ELMO1: variants seen among roughly 807,000 people sequenced by gnomAD.
The protein encoded by ELMO1 is engulfment and cell motility protein 1.
A neutral mutation model predicts 98.9 loss-of-function variants in ELMO1; 26 were observed. The ratio of observed to expected loss-of-function variants is 0.26; its 90% CI spans 0.19 to 0.36. The LOEUF (loss-of-function observed/expected upper bound fraction) is 0.36. ELMO1 is among the 10% of genes least tolerant of loss of function. The pLI, the probability that ELMO1 is intolerant of heterozygous loss-of-function variation, is 1.00. For synonymous variants in ELMO1, 346 were observed against 346.0 expected (o/e 1.00, Z 0.00); for missense variants, 627 against 935.2 (o/e 0.67, Z 4.30).
chr7:37,390,156 G>A (rs1232454395), intron 1 of ELMO1, among the ~76,000 whole-genome samples: 4 of 152,178 alleles, frequency 2.6e-5, no homozygotes, highest in South Asian at 4.1e-4. Flanking sequence ...AAACACAAAC[G>A]GTAACTGGAA....
intron 13 of ELMO1, among the ~76,000 whole-genome samples, chr7:37,171,454 T>C (rs542615463): frequency 1.3e-5 from 2 of 151,250 alleles, no homozygotes; most frequent in East Asian, 3.9e-4. Flanking sequence ...AAATTATCCA[T>C]TAGTTTATTC....
intron 1 of ELMO1, among the ~76,000 whole-genome samples, chr7:37,424,359 C>T (rs543502770): frequency 6.6e-6 from 1 of 152,286 alleles, no homozygotes; most frequent in East Asian, 1.9e-4. Flanking sequence ...AGCTATCATC[C>T]TTCCATGAGT....
At chr7:37,236,939 G>T (rs528085507) in intron 7 of ELMO1, among the ~76,000 whole-genome samples, 17 of 152,292 alleles carry the variant, frequency 1.1e-4, no homozygotes, top group Admixed American at 1.1e-3. Flanking sequence ...AAGGCTAAAA[G>T]AATTACAAAT....
chr7:37,134,598 G>C (rs1275667652), intron 13 of ELMO1, among the ~76,000 whole-genome samples: 1 of 149,506 alleles, frequency 6.7e-6, no homozygotes, highest in Non-Finnish European at 1.5e-5. Context: ...ATACCAAAAA[G>C]TCATCTGCAC....
intron 16 of ELMO1, among the ~76,000 whole-genome samples, chr7:36,990,913 C>A (rs1791830317): frequency 1.3e-5 from 2 of 152,190 alleles, no homozygotes; most frequent in Admixed American, 6.5e-5. Context: ...TTATATTGAG[C>A]CTTTAAAAGG....
intron 16 of ELMO1, among the ~76,000 whole-genome samples, chr7:36,899,329 G>A (rs1806301780): frequency 6.6e-6 from 1 of 152,190 alleles, no homozygotes; most frequent in South Asian, 2.1e-4. Context: ...TCCTGCTCTA[G>A]TTGAGGCAAG....
intron 16 of ELMO1, among the ~76,000 whole-genome samples, chr7:37,002,911 A>C (rs1792783125): frequency 6.6e-6 from 1 of 152,192 alleles, no homozygotes; most frequent in African/African-American, 2.4e-5. Flanking sequence ...AGGTATTCCT[A>C]GGGACAAAGC....
intron 15 of ELMO1, among the ~76,000 whole-genome samples, chr7:37,071,467 CAG>C (rs1450600429): frequency 6.6e-6 from 1 of 152,140 alleles, no homozygotes; most frequent in African/African-American, 2.4e-5. Flanking sequence ...AACTGTGTTT[CAG>C]AGTCTTGAGT....
intron 15 of ELMO1, among the ~76,000 whole-genome samples, chr7:37,060,993 C>T (rs1470101862): frequency 6.6e-6 from 1 of 152,152 alleles, no homozygotes; most frequent in East Asian, 1.9e-4. Context: ...TCAATGACTA[C>T]TCTCGATTTC....
At chr7:37,139,468 T>C (rs1367533836) in intron 13 of ELMO1, among the ~76,000 whole-genome samples, 2 of 151,992 alleles carry the variant, frequency 1.3e-5, no homozygotes, top group African/African-American at 2.4e-5. Flanking sequence ...TCTTTCACAA[T>C]AGCTGCAAAA....
intron 1 of ELMO1, among the ~76,000 whole-genome samples, chr7:37,417,608 G>A (rs28568301): frequency 0.16 from 24,851 of 151,120 alleles, 2,190 homozygotes; most frequent in South Asian, 0.25. Flanking sequence ...AGCTTGCAAT[G>A]AGCCAAGATC....
At chr7:37,170,559 TA>T (rs1790079532) in intron 13 of ELMO1, among the ~76,000 whole-genome samples, 1 of 88,068 alleles carries the variant, frequency 1.1e-5, no homozygotes, top group African/African-American at 2.8e-5. Flanking sequence ...CTTACTCTTT[TA>T]TTTCCTTCTT....
chr7:37,411,372 A>T (rs1046814205), intron 1 of ELMO1, among the ~76,000 whole-genome samples: 6 of 152,224 alleles, frequency 3.9e-5, no homozygotes, highest in African/African-American at 1.4e-4. Context: ...CTTTTCCAGG[A>T]ACAAGTGGGT....
At chr7:37,308,647 T>C (rs1798737149) in intron 4 of ELMO1, among the ~76,000 whole-genome samples, 1 of 152,250 alleles carries the variant, frequency 6.6e-6, no homozygotes, top group Non-Finnish European at 1.5e-5. Context: ...CCCCAGGGTT[T>C]AGCACAGTAC....
intron 15 of ELMO1, among the ~76,000 whole-genome samples, chr7:37,056,366 T>C (rs539722394): frequency 6.6e-6 from 1 of 152,296 alleles, no homozygotes; most frequent in Admixed American, 6.5e-5. Flanking sequence ...TGGAGCACCA[T>C]CCTTTAGAAT....
chr7:37,127,119 G>A (rs1048836212), intron 14 of ELMO1, among the ~76,000 whole-genome samples: 1 of 152,156 alleles, frequency 6.6e-6, no homozygotes, highest in Non-Finnish European at 1.5e-5. Flanking sequence ...ACTTCTGCAT[G>A]TTACTTCTCC....
chr7:37,297,351 G>A (rs1032526531), intron 4 of ELMO1, among the ~76,000 whole-genome samples: 2 of 152,090 alleles, frequency 1.3e-5, no homozygotes, highest in African/African-American at 4.8e-5. Context: ...TCTTATTTCA[G>A]TTCCAATTCC....
rs1229816970 is a variant in ELMO1 at position 36,855,047 on chromosome 7, T to C, written c.*504A>G. 2.4e-5 allele frequency: 4 copies of C among 170,150 alleles called. No individual in the cohort carries two copies. Among genetic ancestry groups the C allele is most frequent in the Admixed American group, 5.5e-5 (1 of 18,248 alleles). 10.5% of individuals were successfully genotyped at this position (170,150 alleles called of 1,614,324 possible). On this transcript the variant is annotated 3_prime_UTR_variant, in exon 22 of 22. Coordinates refer to ENST00000310758, the MANE Select transcript of ELMO1 (RefSeq NM_014800.11). The surrounding 1 kb of genome is among the most constrained non-coding windows in gnomAD (Gnocchi z 4.2). ...GAGGAGATTTGAGCGCAGATCTTAA[T>C]TCAAGTGTAACTGGTGGTGCGAGAT...
intron 13 of ELMO1, among the ~76,000 whole-genome samples, chr7:37,190,418 T>C (rs1791492974): frequency 6.6e-6 from 1 of 152,224 alleles, no homozygotes; most frequent in African/African-American, 2.4e-5. Context: ...TTCATTACGG[T>C]CTATCAGATG....
Sources: gnomAD v4.1 joint callset for allele counts (sites outside exome capture counted in the v4.1 genomes callset) on GRCh38, gnomAD v4.1.1 for gene constraint, Gnocchi (gnomAD v3.1) non-coding constraint, MANE v1.5 for transcripts, NCBI Gene and HGNC (gene_info 2026-07-23, HGNC 2026-07-21) for gene names.